COL5A3: variants seen among roughly 807,000 people sequenced by gnomAD.
COL5A3 encodes collagen alpha-3(V) chain.
COL5A3 carries 172 observed loss-of-function variants against 250.0 expected under a neutral mutation model. The observed-to-expected ratio is 0.69, with a 90% confidence interval of 0.61 to 0.78. COL5A3 has a LOEUF of 0.78. COL5A3 is among the 30% of genes least tolerant of loss of function. The probability of loss-of-function intolerance (pLI) is 0.00; values close to 1 mark genes in which losing one functional copy is unlikely to be tolerated. For synonymous variants in COL5A3, 937 were observed against 900.4 expected (o/e 1.04, Z -0.73); for missense variants, 2,340 against 2,334.4 (o/e 1.00, Z -0.05).
Position 9,981,161 on chromosome 19 carries a change from G to A in COL5A3, c.2461-29C>T, listed in dbSNP as rs1311290267. ...AAAATGAATTGTAAGAGAGAAAGCA[G>A]AAGAGAGTTAGGGTGCAAAGGTATG... On this transcript the variant is annotated intron_variant, in intron 32 of 66. Transcript: ENST00000264828. The A allele has an allele frequency of 1.9e-6, 3 of 1,611,332 alleles. No individual in the cohort carries two copies. The Admixed American group carries it at 5.0e-5, about 27-fold the overall frequency.
rs576507351 is a variant in COL5A3, at chr19:9,968,777, G to C, written c.4153-49C>G. 1.3e-6 allele frequency: 2 copies of C among 1,509,410 alleles called. No homozygotes were observed. The highest frequency in any genetic ancestry group is 2.7e-5 in the African/African-American group (2 of 72,860). 93.5% of individuals were successfully genotyped at this position (1,509,410 alleles called of 1,614,324 possible). On this transcript the variant is annotated intron_variant, in intron 57 of 66. Coordinates refer to ENST00000264828, the MANE Select transcript of COL5A3 (RefSeq NM_015719.4). This position sits in a 1 kb window ranked among gnomAD's most constrained non-coding sequence, Gnocchi z 4.1. ...TAGGGATTCTCAAATGTGAACTCGA[G>C]GTCTGTGTGGGTGGTTAGGGGATGG...
Position 9,986,412 on chromosome 19 carries a change from C to A in COL5A3, c.2255G>T (p.Gly752Val). ...VGLKGDQGKP[G>V]APGPRGEDGP... The stretch of plus-strand genomic sequence containing the variant: ...ATCCTCTCCCCGGGGACCTGGAGCT[C>A]CGGGTTTCCCCTGGAAGAAAAAGGA... The change falls in exon 30 of 67, where the codon GGA (glycine) becomes GTA (valine). Residue 752 changes from glycine (G) to valine (V), a missense_variant. Transcript: ENST00000264828. 1 of 1,612,968 alleles carries A rather than the reference C, an allele frequency of 6.2e-7. No individual in the cohort carries two copies. Among genetic ancestry groups the A allele is most frequent in the Non-Finnish European group, 8.5e-7 (1 of 1,179,920 alleles).
intron 27 of COL5A3, among the ~76,000 whole-genome samples, chr19:9,988,833 C>CAAAAAA (rs67181648): frequency 6.6e-4 from 26 of 39,384 alleles, no homozygotes; most frequent in African/African-American, 1.3e-3. Flanking sequence ...GACTCTGTCT[C>CAAAAAA]AAAAAAAAAA....
chr19:9,984,423 C>T (rs1227840255), intron 31 of COL5A3, among the ~76,000 whole-genome samples: 2 of 152,110 alleles, frequency 1.3e-5, no homozygotes, highest in African/African-American at 4.8e-5. Context: ...CATCAGTGTC[C>T]TCACCCATCA....
chr19:9,996,338 G>A (rs2087271659), intron 13 of COL5A3, 76 bp from the exon 14 acceptor site: 5 of 1,550,856 alleles, frequency 3.2e-6, no homozygotes, highest in Non-Finnish European at 4.4e-6. Context: ...ATCTTCAGGA[G>A]AAAAATAACC....
intron 64 of COL5A3, 83 bp from the exon 65 acceptor site, chr19:9,962,970 A>T: frequency 9.8e-7 from 1 of 1,023,808 alleles, no homozygotes; most frequent in African/African-American, 1.6e-5. Context: ...CTCACACAGT[A>T]GGCTGTTGTG....
At chr19:9,970,406 GGGGT>G (rs2086822640) in intron 54 of COL5A3, among the ~76,000 whole-genome samples, 3 of 70,886 alleles carry the variant, frequency 4.2e-5, no homozygotes, top group Non-Finnish European at 2.7e-5. Flanking sequence ...TGGGGTCTGT[GGGGT>G]GAGTGGGGGC....
intron 6 of COL5A3, 115 bp downstream of exon 6, chr19:10,003,450 C>T: frequency 9.8e-7 from 1 of 1,023,108 alleles, no homozygotes; most frequent in Non-Finnish European, 1.5e-6. Context: ...AGATGAGGGA[C>T]CAGAGATTAG....
At position 9,981,190 on chromosome 19, in the gene COL5A3, C is replaced by T; in HGVS notation, c.2461-58G>A. ...AGAGTTAGGGTGCAAAGGTATGACG[C>T]AAACACAAAAAGACACCCAGTCACA... is the stretch of plus-strand genomic sequence containing the variant. On this transcript the variant is annotated intron_variant, in intron 32 of 66. Coordinates refer to ENST00000264828, the MANE Select transcript of COL5A3 (RefSeq NM_015719.4). 4 of 1,536,900 alleles carry T rather than the reference C, an allele frequency of 2.6e-6. No individual in the cohort carries two copies. In the South Asian group the frequency reaches 4.5e-5, roughly 17 times the overall value.
rs1398916345 is a variant in COL5A3, at chr19:9,966,684, T to C, written c.4521A>G (p.Pro1507=). The C allele has an allele frequency of 1.3e-6, 2 of 1,538,366 alleles. No homozygotes were observed. Among genetic ancestry groups the C allele is most frequent in the Non-Finnish European group, 1.7e-6 (2 of 1,147,622 alleles). ...RRRRFVPVPL[P]VVEGGLEEVL... is the part of the protein sequence containing the mutation. ...CCTCCTCCAGGCCGCCCTCCACGAC[T>C]GGAAGCGGGACTGGGACGAAGCGCC... Residue 1507 remains proline, a synonymous_variant, in exon 63 of 67, where the codon CCA becomes CCG. Coordinates refer to ENST00000264828, the MANE Select transcript of COL5A3 (RefSeq NM_015719.4).
In COL5A3 at chr19:9,986,554, T is replaced by C. The variant is rs1440691297; in HGVS notation, c.2243A>G (p.Gln748Arg). ...CCCCTCATCTGGAGCTGGTCTTACC[T>C]GATCACCTTTGAGCCCCACATCGCC... ...FKGDVGLKGD[Q>R]GKPGAPGPRG... is the part of the protein sequence containing the mutation. Residue 748 changes from glutamine to arginine, a missense_variant and splice_region_variant, in exon 29 of 67, where the codon CAG becomes CGG. This residue lies in a region of COL5A3 where 1,152 missense variants were observed against 1,146.3 expected (regional missense o/e 1.00). Coordinates refer to ENST00000264828, the MANE Select transcript of COL5A3 (RefSeq NM_015719.4). 6.2e-7 allele frequency: 1 copy of C among 1,613,794 alleles called. No homozygotes were observed. Among genetic ancestry groups the C allele is most frequent in the Admixed American group, 1.7e-5 (1 of 59,988 alleles).
intron 31 of COL5A3, among the ~76,000 whole-genome samples, chr19:9,982,452 C>T (rs1304528716): frequency 6.6e-6 from 1 of 152,208 alleles, no homozygotes; most frequent in African/African-American, 2.4e-5. Context: ...CTGGCTTCCA[C>T]ATTGCCCAAG....
intron 32 of COL5A3, among the ~76,000 whole-genome samples, chr19:9,981,400 G>A (rs2087006377): frequency 6.6e-6 from 1 of 152,158 alleles, no homozygotes; most frequent in Admixed American, 6.5e-5. Context: ...TCACAGCTGT[G>A]CAGTATGCAT....
chr19:10,006,546 C>T (rs768168288), intron 1 of COL5A3, among the ~76,000 whole-genome samples: 3 of 152,150 alleles, frequency 2.0e-5, no homozygotes, highest in Non-Finnish European at 2.9e-5. Flanking sequence ...CAGAGTGGAA[C>T]GGTCCCCCTC....
In COL5A3 at chr19:9,970,645, C is replaced by T. The variant is rs763576120; in HGVS notation, c.3913G>A (p.Ala1305Thr). The change falls in exon 54 of 67, where the codon GCC (alanine) becomes ACC (threonine). Residue 1305 changes from alanine to threonine, a missense_variant. By Grantham distance (58) the Ala-to-Thr change is moderately conservative. Around this residue, in one of 3 missense-constraint regions of COL5A3, gnomAD observed 1,179 missense variants for 1,162.6 expected, o/e 1.01. Coordinates refer to ENST00000264828, the MANE Select transcript of COL5A3 (RefSeq NM_015719.4). Reference protein sequence around the residue: ...GPPGASGEPGAPGPPGKRGPS... With the variant: ...GPPGASGEPGTPGPPGKRGPS... ...ACCCTCTTGCCGGGGGGCCCGGGGGCGCCGGGCTCCCCAGAAGCTCCAGGC... is the reference window on the plus strand; with the variant it reads ...ACCCTCTTGCCGGGGGGCCCGGGGGTGCCGGGCTCCCCAGAAGCTCCAGGC... The T allele has an allele frequency of 2.1e-5, 30 of 1,452,638 alleles. No individual in the cohort carries two copies. Among genetic ancestry groups the T allele is most frequent in the East Asian group, 1.3e-4 (5 of 38,324 alleles). 90.0% of individuals were successfully genotyped at this position (1,452,638 alleles called of 1,614,324 possible).
intron 30 of COL5A3, 75 bp from the exon 31 acceptor site, chr19:9,985,970 G>T: frequency 7.2e-7 from 1 of 1,398,336 alleles, no homozygotes; most frequent in Non-Finnish European, 1.0e-6. Flanking sequence ...GGCTGGCTGG[G>T]GCATGGTGAA....
rs972436926 is a variant in COL5A3, at chr19:9,988,005, C to T, written c.2145+1119G>A. Among the ~76,000 whole-genome samples the T allele has an allele frequency of 6.6e-5, 10 of 151,968 alleles. No individual in the cohort carries two copies. In the East Asian group the frequency reaches 7.8e-4, roughly 12 times the overall value. ...ATCCCAGCACTTTGAGAGGCCGAGG[C>T]GGCCGGATCACCTGAGGTCAGGCGT... On this transcript the variant is annotated intron_variant, in intron 27 of 66. Coordinates refer to ENST00000264828, the MANE Select transcript of COL5A3 (RefSeq NM_015719.4).
At chr19:9,970,184 A>T (rs1490649646) in intron 54 of COL5A3, among the ~76,000 whole-genome samples, 3 of 23,264 alleles carry the variant, frequency 1.3e-4, no homozygotes, top group African/African-American at 1.9e-4. Context: ...TCTGTGGGTG[A>T]GTGGGGTCTG....
chr19:9,992,496 AAGAC>A (rs1266909670), intron 21 of COL5A3, among the ~76,000 whole-genome samples: 2 of 152,150 alleles, frequency 1.3e-5, no homozygotes. Context: ...CGAGAAAAAA[AAGAC>A]AGACAGGGGC....
Sources: gnomAD v4.1 joint callset for allele counts (sites outside exome capture counted in the v4.1 genomes callset) on GRCh38, gnomAD v4.1.1 for gene constraint, gnomAD v4.1.1 regional missense constraint, Gnocchi (gnomAD v3.1) non-coding constraint, MANE v1.5 for transcripts, NCBI Gene and HGNC (gene_info 2026-07-23, HGNC 2026-07-21) for gene names.